The following SCTR variants were observed in gnomAD, a reference collection of about 807,000 sequenced individuals.
SCTR encodes the protein secretin receptor.
Under a neutral mutation model 60.8 loss-of-function variants are expected in SCTR, and 56 were observed. The observed-to-expected ratio is 0.92, with a 90% CI of 0.74 to 1.15. The LOEUF (loss-of-function observed/expected upper bound fraction) is 1.15. SCTR is among the 50% of genes most tolerant of loss of function. The probability of loss-of-function intolerance (pLI) is 0.00; values close to 1 mark genes in which losing one functional copy is unlikely to be tolerated. For synonymous variants in SCTR, 202 were observed against 217.0 expected (o/e 0.93, Z 0.61); for missense variants, 562 against 550.4 (o/e 1.02, Z -0.21).
chr2:119,468,327 G>A (rs1683922901), intron 4 of SCTR, among the ~76,000 whole-genome samples: 1 of 152,232 alleles, frequency 6.6e-6, no homozygotes, highest in Non-Finnish European at 1.5e-5. Context: ...AAAGACCCAA[G>A]CTCCATGGTG....
intron 7 of SCTR, among the ~76,000 whole-genome samples, chr2:119,455,439 A>G (rs1558841141): frequency 1.3e-5 from 2 of 152,350 alleles, no homozygotes; most frequent in East Asian, 3.9e-4. Flanking sequence ...CAATCAGAGA[A>G]AAGGAACTCA....
In SCTR at chr2:119,523,547, G is replaced by A. The variant is rs560903140; in HGVS notation, c.72+608C>T. ...AGCCGCATCCCACACGAGACGGTGT[G>A]GGGAGAGCGGCAGGCGGTCCCATCG... On this transcript the variant is annotated intron_variant, in intron 1 of 12. Transcript: ENST00000019103. Among the ~76,000 whole-genome samples, 8 of 151,902 alleles carry A rather than the reference G, an allele frequency of 5.3e-5. No individual in the cohort carries two copies. The South Asian group carries it at 1.7e-3, about 32-fold the overall frequency.
Position 119,511,141 on chromosome 2 carries a change from TG to T in SCTR, c.72+13013del, listed in dbSNP as rs202189143. On this transcript the variant is annotated intron_variant, in intron 1 of 12. Coordinates refer to ENST00000019103, the MANE Select transcript of SCTR (RefSeq NM_002980.3). ...TGGTGTGAACTTGGGAGGCAGAGCTTGCAGTGAGCCCAGATAGCGCCACTGC... is the reference window on the plus strand; with the variant it reads ...TGGTGTGAACTTGGGAGGCAGAGCTTCAGTGAGCCCAGATAGCGCCACTGC... 4.4e-3 allele frequency among the ~76,000 whole-genome samples: 665 copies of T among 152,170 alleles called. 19 individuals are homozygous for T. The highest frequency in any genetic ancestry group is 0.04 in the Admixed American group (615 of 15,292).
intron 7 of SCTR, among the ~76,000 whole-genome samples, chr2:119,455,018 T>C (rs1683319641): frequency 6.9e-6 from 1 of 145,770 alleles, no homozygotes; most frequent in Non-Finnish European, 1.5e-5. Context: ...AATTTTAAGC[T>C]AGATGTATGG....
At chr2:119,480,525 C>T (rs1677552229) in intron 2 of SCTR, among the ~76,000 whole-genome samples, 1 of 152,180 alleles carries the variant, frequency 6.6e-6, no homozygotes, top group Non-Finnish European at 1.5e-5. Context: ...TGAGTGGGGA[C>T]ATAGCCAAAC....
chr2:119,481,331 C>G (rs898569970), intron 2 of SCTR, among the ~76,000 whole-genome samples: 1 of 152,330 alleles, frequency 6.6e-6, no homozygotes, highest in African/African-American at 2.4e-5. Flanking sequence ...TGAAATCTCC[C>G]TGGTGACCTG....
chr2:119,459,987 G>T (rs1394701683), intron 7 of SCTR, among the ~76,000 whole-genome samples: 1 of 152,032 alleles, frequency 6.6e-6, no homozygotes, highest in Non-Finnish European at 1.5e-5. Context: ...GGCACTCTGG[G>T]ATTGCTGGCC....
intron 2 of SCTR, among the ~76,000 whole-genome samples, chr2:119,488,028 C>T (rs1222976789): frequency 1.3e-5 from 2 of 152,198 alleles, no homozygotes; most frequent in Non-Finnish European, 2.9e-5. Flanking sequence ...AGACATCACA[C>T]CCGCTCCACA....
At chr2:119,507,973 C>T (rs917704288) in intron 1 of SCTR, among the ~76,000 whole-genome samples, 7 of 152,150 alleles carry the variant, frequency 4.6e-5, no homozygotes, top group Non-Finnish European at 4.4e-5. Context: ...CCACCCGTCT[C>T]TTTTGGCAGA....
chr2:119,495,832 T>C (rs1678325518), intron 1 of SCTR, among the ~76,000 whole-genome samples: 1 of 152,208 alleles, frequency 6.6e-6, no homozygotes. Flanking sequence ...TGATCAGTCA[T>C]GGCCGGCTGT....
rs574771067 is a variant in SCTR, at chr2:119,502,518, A to C, written c.73-7970T>G. Among the ~76,000 whole-genome samples the C allele has an allele frequency of 1.3e-3, 193 of 152,366 alleles. 1 individual carries two copies. Among genetic ancestry groups the C allele is most frequent in the Middle Eastern group, 6.8e-3 (2 of 294 alleles). On this transcript the variant is annotated intron_variant, in intron 1 of 12. Transcript: ENST00000019103. Reference sequence around the variant, plus strand: ...GTTTTGGAGATACAAAGATTATTCTAAAATTTATGTAGAAAAGCAAAAGAA... The same window carrying C: ...GTTTTGGAGATACAAAGATTATTCTCAAATTTATGTAGAAAAGCAAAAGAA...
At chr2:119,482,154 C>T (rs1482273292) in intron 2 of SCTR, among the ~76,000 whole-genome samples, 1 of 152,220 alleles carries the variant, frequency 6.6e-6, no homozygotes, top group African/African-American at 2.4e-5. Context: ...TGCCAAGTGC[C>T]CTCCTTGTTC....
intron 6 of SCTR, among the ~76,000 whole-genome samples, 162 bp downstream of exon 6, chr2:119,463,961 A>G (rs1683717773): frequency 6.6e-6 from 1 of 152,026 alleles, no homozygotes; most frequent in South Asian, 2.1e-4. Flanking sequence ...AATCTCCCTG[A>G]ACCTCCTGGC....
At chr2:119,466,029 A>T (rs773165977) in intron 4 of SCTR, 143 bp from the exon 5 acceptor site, 2 of 620,854 alleles carry the variant, frequency 3.2e-6, no homozygotes, top group Non-Finnish European at 6.0e-6. Flanking sequence ...TCACAGACAC[A>T]TAACACCGTA....
chr2:119,473,094 T>A lies in SCTR; in HGVS notation c.405+359A>T, dbSNP rs1677092020. Among the ~76,000 whole-genome samples the A allele has an allele frequency of 2.0e-5, 3 of 152,156 alleles. No homozygotes were observed. In the South Asian group the frequency reaches 6.2e-4, roughly 32 times the overall value. ...GTGATTAAATCTTCCCCAGCCCCAC[T>A]AAGGTCAAGGTCGGAATTCAGACGC... On this transcript the variant is annotated intron_variant, in intron 4 of 12. Transcript: ENST00000019103.
At chr2:119,446,737 A>G (rs750813691) in intron 11 of SCTR, 22 bp downstream of exon 11, 21 of 1,474,802 alleles carry the variant, frequency 1.4e-5, no homozygotes, top group Non-Finnish European at 1.5e-5. Context: ...TTCAGCTGGC[A>G]GCCCCAGTCC....
At chr2:119,491,403 G>T (rs888269287) in intron 2 of SCTR, among the ~76,000 whole-genome samples, 2 of 152,226 alleles carry the variant, frequency 1.3e-5, no homozygotes, top group Non-Finnish European at 2.9e-5. Flanking sequence ...CCTCAAGAAA[G>T]CCCTCGTGGA....
At chr2:119,458,303 C>T (rs899159031) in intron 7 of SCTR, among the ~76,000 whole-genome samples, 3 of 126,786 alleles carry the variant, frequency 2.4e-5, no homozygotes, top group African/African-American at 6.0e-5. Flanking sequence ...GAGACCCTAT[C>T]TTGAAAAAAA....
At chr2:119,454,608 C>G (rs1683300094) in intron 7 of SCTR, among the ~76,000 whole-genome samples, 1 of 152,124 alleles carries the variant, frequency 6.6e-6, no homozygotes, top group Admixed American at 6.5e-5. Flanking sequence ...AATCTCAGCA[C>G]TTTGGGAGGC....
Sources: gnomAD v4.1 joint callset for allele counts (sites outside exome capture counted in the v4.1 genomes callset) on GRCh38, gnomAD v4.1.1 for gene constraint, MANE v1.5 for transcripts, NCBI Gene and HGNC (gene_info 2026-07-23, HGNC 2026-07-21) for gene names.